SYNPR: variants seen among roughly 807,000 people sequenced by gnomAD.
The protein encoded by SYNPR is synaptoporin.
Under a neutral mutation model 32.9 loss-of-function variants are expected in SYNPR, and 23 were observed. That is an observed-to-expected ratio of 0.70 (90% CI 0.50 to 0.99). The LOEUF (loss-of-function observed/expected upper bound fraction) is 0.99. Ranked by LOEUF, SYNPR falls within the 50% of genes least tolerant of loss-of-function variation. The probability of loss-of-function intolerance (pLI) is 0.00; values close to 1 mark genes in which losing one functional copy is unlikely to be tolerated. For missense variants in SYNPR, 318 were observed against 349.3 expected, an observed-to-expected ratio of 0.91 and a Z score of 0.71; for synonymous variants, 146 against 135.9, an observed-to-expected ratio of 1.07 and a Z score of -0.52.
At chr3:63,375,355 A>G (rs201327526) in intron 2 of SYNPR, among the ~76,000 whole-genome samples, 2 of 152,092 alleles carry the variant, frequency 1.3e-5, no homozygotes, top group Non-Finnish European at 2.9e-5. Context: ...GATTAAGAAA[A>G]CATGGCACAT....
chr3:63,474,964 C>G (rs114283380), intron 2 of SYNPR, among the ~76,000 whole-genome samples: 1,649 of 152,204 alleles, frequency 0.011, 29 homozygotes, highest in African/African-American at 0.037. Flanking sequence ...TGCAAATTAA[C>G]CAGAAGGATT....
chr3:63,278,616 G>A (rs1409938179), intron 1 of SYNPR, 61 bp from the exon 2 acceptor site: 3 of 1,550,414 alleles, frequency 1.9e-6, no homozygotes, highest in Admixed American at 3.9e-5. Context: ...CGGCTTGGGA[G>A]AGGCGCCCCC....
At chr3:63,429,844 T>C (rs1031450391) in intron 2 of SYNPR, among the ~76,000 whole-genome samples, 6 of 152,234 alleles carry the variant, frequency 3.9e-5, no homozygotes, top group Admixed American at 3.9e-4. Context: ...CCCATGGGGC[T>C]CTAAGTGTGC....
At chr3:63,339,857 A>G (rs554419285) in intron 2 of SYNPR, among the ~76,000 whole-genome samples, 2 of 152,158 alleles carry the variant, frequency 1.3e-5, no homozygotes, top group Non-Finnish European at 2.9e-5. Context: ...GGGTTTCACT[A>G]TGTTGGCCAG....
At chr3:63,322,701 C>T (rs763182656) in intron 2 of SYNPR, among the ~76,000 whole-genome samples, 1 of 152,078 alleles carries the variant, frequency 6.6e-6, no homozygotes, top group Non-Finnish European at 1.5e-5. Flanking sequence ...CACAATCATT[C>T]GACCTTCCAG....
At chr3:63,516,275 G>T (rs1701798004) in intron 3 of SYNPR, among the ~76,000 whole-genome samples, 1 of 151,930 alleles carries the variant, frequency 6.6e-6, no homozygotes, top group Admixed American at 6.6e-5. Flanking sequence ...CTTATCTTGG[G>T]CAACTCACAC....
Position 63,389,145 on chromosome 3 carries a change from A to T in SYNPR, c.85-91687A>T, listed in dbSNP as rs1464921826. Among the ~76,000 whole-genome samples, 3 of 152,218 alleles carry T rather than the reference A, an allele frequency of 2.0e-5. No individual in the cohort carries two copies. In the East Asian group the frequency reaches 5.8e-4, roughly 29 times the overall value. Reference sequence around the variant, plus strand: ...AGCCTGCTCTTGTGCGTAATGCATTATGTAACAGTATATTGTAACAAACTT... The same window carrying T: ...AGCCTGCTCTTGTGCGTAATGCATTTTGTAACAGTATATTGTAACAAACTT... On this transcript the variant is annotated intron_variant, in intron 2 of 5. Coordinates refer to ENST00000478300, the MANE Select transcript of SYNPR (RefSeq NM_001130003.2).
At chr3:63,243,468 G>A (rs1464135221) in intron 1 of SYNPR, among the ~76,000 whole-genome samples, 2 of 152,070 alleles carry the variant, frequency 1.3e-5, no homozygotes, top group African/African-American at 4.8e-5. Context: ...ACAATCTAAT[G>A]AGGGAGATAC....
chr3:63,291,764 G>A (rs1039872288), intron 2 of SYNPR, among the ~76,000 whole-genome samples: 15 of 152,138 alleles, frequency 9.9e-5, no homozygotes, highest in Admixed American at 4.6e-4. Context: ...TATTCTGGGG[G>A]AAAAGGCTGT....
chr3:63,275,249 A>G (rs2086564129), upstream of SYNPR, among the ~76,000 whole-genome samples: 1 of 152,204 alleles, frequency 6.6e-6, no homozygotes. Flanking sequence ...TTCTTTAGGG[A>G]ACCCAATGTT....
At chr3:63,376,489 C>T (rs1379960735) in intron 2 of SYNPR, among the ~76,000 whole-genome samples, 2 of 152,238 alleles carry the variant, frequency 1.3e-5, no homozygotes, top group South Asian at 2.1e-4. Context: ...CTACATTAGT[C>T]ACTTTTCTTT....
chr3:63,286,242 G>GA (rs1198917788), intron 2 of SYNPR, among the ~76,000 whole-genome samples: 9 of 152,190 alleles, frequency 5.9e-5, no homozygotes. Context: ...GAACCTAAAC[G>GA]AGAACGTCTA....
intron 2 of SYNPR, among the ~76,000 whole-genome samples, chr3:63,408,943 T>C (rs1416203928): frequency 6.6e-6 from 1 of 152,102 alleles, no homozygotes. Context: ...CCCTCCACTC[T>C]TCTTCATGGA....
the SYNPR span, among the ~76,000 whole-genome samples, chr3:63,220,432 A>T: frequency 6.6e-6 from 1 of 151,966 alleles, no homozygotes; most frequent in African/African-American, 2.4e-5. Context: ...TCCCTCCTGC[A>T]CTCTGCTATG....
the SYNPR span, among the ~76,000 whole-genome samples, chr3:63,201,198 T>G: frequency 8.5e-5 from 13 of 152,142 alleles, no homozygotes; most frequent in Non-Finnish European, 1.8e-4. Context: ...TTCAGTTGAT[T>G]ATAAGATAAA....
In SYNPR at chr3:63,278,733, C is replaced by T. The variant is rs751219176; in HGVS notation, c.75C>T (p.Ala25=). The change falls in exon 2 of 6, where the codon GCC becomes GCT. Residue 25 remains alanine, a synonymous_variant. Transcript: ENST00000478300. ...VLKEPLAFLR[A]LELLFAIFAF... ...AGGAGCCCCTTGCCTTCCTGCGAGC[C>T]CTGGAATTGGTGAGTAGCAGTGTGT... 4.5e-6 allele frequency: 7 copies of T among 1,551,650 alleles called. No homozygotes were observed. In the South Asian group the frequency reaches 8.3e-5, roughly 18 times the overall value.
chr3:63,206,478 TTGA>T, the SYNPR span, among the ~76,000 whole-genome samples: 1 of 152,062 alleles, frequency 6.6e-6, no homozygotes, highest in Admixed American at 6.6e-5. Context: ...GGAGAATGGC[TTGA>T]GCCCAGGAGG....
At chr3:63,448,990 G>A (rs901009522) in intron 2 of SYNPR, among the ~76,000 whole-genome samples, 14 of 152,198 alleles carry the variant, frequency 9.2e-5, no homozygotes, top group Admixed American at 3.9e-4. Flanking sequence ...GGAGTGGTAG[G>A]AAGCAGGGAG....
intron 3 of SYNPR, among the ~76,000 whole-genome samples, chr3:63,499,243 G>T (rs1701432842): frequency 6.6e-6 from 1 of 152,140 alleles, no homozygotes; most frequent in African/African-American, 2.4e-5. Flanking sequence ...GTTAGGCAAA[G>T]AAGGAATGAA....
Sources: allele counts gnomAD v4.1 joint callset (sites outside exome capture counted in the v4.1 genomes callset), GRCh38; gene constraint gnomAD v4.1.1; transcripts MANE v1.5; gene names NCBI Gene and HGNC (gene_info 2026-07-23, HGNC 2026-07-21).